The following BTBD8 variants were observed in gnomAD, a reference collection of about 807,000 sequenced individuals.
BTBD8 encodes the protein BTB domain containing 8, also known as BTB/POZ domain-containing protein 8.
In BTBD8, 110 loss-of-function variants were observed where a neutral mutation model predicts 162.9. The observed-to-expected ratio is 0.68, with a 90% CI of 0.58 to 0.79. BTBD8 has a LOEUF of 0.79. Ranked by LOEUF, BTBD8 falls within the 30% of genes least tolerant of loss-of-function variation. The pLI, the probability that BTBD8 is intolerant of heterozygous loss-of-function variation, is 0.00. For synonymous variants in BTBD8, 667 were observed against 716.1 expected (o/e 0.93, Z 1.10); for missense variants, 1,905 against 2,085.4 (o/e 0.91, Z 1.68).
chr1:92,133,741 C>A (rs903732860), intron 5 of BTBD8, among the ~76,000 whole-genome samples: 6 of 152,128 alleles, frequency 3.9e-5, no homozygotes, highest in Non-Finnish European at 7.4e-5. Context: ...GAGGCTGAGG[C>A]GGGCGGATCA....
Position 92,181,457 on chromosome 1 carries a change from C to T in BTBD8, c.3774C>T (p.Ser1258=). 3.2e-6 allele frequency: 5 copies of T among 1,551,730 alleles called. No homozygotes were observed. The highest frequency in any genetic ancestry group is 4.4e-6 in the Non-Finnish European group (5 of 1,147,002). The change falls in exon 17 of 18, where the codon TCC becomes TCT. Residue 1258 remains serine, a synonymous_variant. Coordinates refer to ENST00000636805, the MANE Select transcript of BTBD8 (RefSeq NM_001376131.1). ...PESDTGSATT[S]SDDIKPRSED... is the part of the protein sequence containing the mutation. ...CTGACACTGGCAGTGCTACCACCTCCTCCGATGACATAAAGCCCAGATCTG... is the reference window on the plus strand; with the variant it reads ...CTGACACTGGCAGTGCTACCACCTCTTCCGATGACATAAAGCCCAGATCTG...
At chr1:92,090,737 C>T (rs1648273641) in intron 2 of BTBD8, among the ~76,000 whole-genome samples, 1 of 152,148 alleles carries the variant, frequency 6.6e-6, no homozygotes, top group Admixed American at 6.5e-5. Context: ...TGAGACCAGC[C>T]TGGCCAACGT....
chr1:92,180,082 T>C (rs1460169440), intron 16 of BTBD8, among the ~76,000 whole-genome samples, 183 bp from the exon 17 acceptor site: 4 of 152,208 alleles, frequency 2.6e-5, no homozygotes, highest in Admixed American at 2.6e-4. Flanking sequence ...TGAAAAAATT[T>C]TTTTATTTTA....
intron 2 of BTBD8, among the ~76,000 whole-genome samples, chr1:92,096,967 T>C (rs545402643): frequency 6.6e-6 from 1 of 152,338 alleles, no homozygotes; most frequent in African/African-American, 2.4e-5. Context: ...TCTATTTCAC[T>C]GAGAAAGTCA....
At chr1:92,161,897 A>C (rs1250687156) in intron 9 of BTBD8, among the ~76,000 whole-genome samples, 2 of 152,210 alleles carry the variant, frequency 1.3e-5, no homozygotes, top group Admixed American at 1.3e-4. Flanking sequence ...ACAGAAACAC[A>C]AGTTTCACAA....
chr1:92,133,901 C>T (rs1317958499), intron 5 of BTBD8, among the ~76,000 whole-genome samples: 1 of 151,038 alleles, frequency 6.6e-6, no homozygotes, highest in African/African-American at 2.4e-5. Context: ...ACCCAGGAGG[C>T]GGAGCTTGCA....
In BTBD8 at chr1:92,167,863, A is replaced by G. The variant is rs1650424030; in HGVS notation, c.1321A>G (p.Ser441Gly). Residue 441 changes from serine (S) to glycine (G), a missense_variant, in exon 11 of 18, where the codon AGC (serine) becomes GGC (glycine). By Grantham distance (56) the Ser-to-Gly change is moderately conservative. This residue lies in a region of BTBD8 where 1,374 missense variants were observed against 1,442.7 expected (regional missense o/e 0.95). Coordinates refer to ENST00000636805, the MANE Select transcript of BTBD8 (RefSeq NM_001376131.1). ...ALLLQSQAMS[S>G]TADLLDTILK... ...TGTTTTATAGTCACAAGCAATGAGC[A>G]GCACAGCCGATCTGTTGGACACAAT... The G allele has an allele frequency of 6.5e-7, 1 of 1,550,152 alleles. No individual in the cohort carries two copies. Among genetic ancestry groups the G allele is most frequent in the Non-Finnish European group, 8.7e-7 (1 of 1,145,932 alleles).
chr1:92,131,838 A>C (rs1011822802), intron 5 of BTBD8, among the ~76,000 whole-genome samples: 2 of 152,042 alleles, frequency 1.3e-5, no homozygotes, highest in African/African-American at 4.8e-5. Context: ...CCTCCCAAGT[A>C]GCTGGGACTA....
chr1:92,182,481 A>G lies in BTBD8; in HGVS notation c.4798A>G (p.Asn1600Asp). The G allele has an allele frequency of 6.4e-7, 1 of 1,551,554 alleles. No homozygotes were observed. The highest frequency in any genetic ancestry group is 8.7e-7 in the Non-Finnish European group (1 of 1,146,858). The change falls in exon 17 of 18, where the codon AAC becomes GAC. Residue 1600 changes from asparagine to aspartate, a missense_variant. Physicochemically the swap from Asn to Asp is conservative, Grantham distance 23 (BLOSUM62 1). Transcript: ENST00000636805. ...QREPNSDIPK[N>D]SSTKSLDSFR... The stretch of plus-strand genomic sequence containing the variant: ...AGAACCCAATTCTGACATACCAAAG[A>G]ACAGCTCTACAAAATCTCTAGACTC...
At chr1:92,102,754 T>C (rs962068764) in intron 3 of BTBD8, 85 bp downstream of exon 3, 5 of 1,226,810 alleles carry the variant, frequency 4.1e-6, no homozygotes, top group Non-Finnish European at 5.3e-6. Context: ...ACTTCAAAAA[T>C]ATGCTTTACT....
At chr1:92,088,665 A>G (rs1205441712) in intron 1 of BTBD8, 33 bp from the exon 2 acceptor site, 5 of 1,464,298 alleles carry the variant, frequency 3.4e-6, no homozygotes, top group African/African-American at 1.4e-5. Flanking sequence ...TAGTATCACT[A>G]ATTAAACTAT....
At chr1:92,104,254 A>C (rs1383607459) in intron 3 of BTBD8, among the ~76,000 whole-genome samples, 1 of 152,256 alleles carries the variant, frequency 6.6e-6, no homozygotes, top group South Asian at 2.1e-4. Flanking sequence ...ACTGGTGTGT[A>C]AAGCAACAAC....
At chr1:92,171,230 A>C (rs138884747) in intron 12 of BTBD8, among the ~76,000 whole-genome samples, 169 bp from the exon 13 acceptor site, 1 of 152,248 alleles carries the variant, frequency 6.6e-6, no homozygotes, top group East Asian at 1.9e-4. Context: ...TCTTTTAAAA[A>C]AATTCTAAAA....
chr1:92,089,182 C>G (rs1409990651), intron 2 of BTBD8, among the ~76,000 whole-genome samples: 1 of 152,030 alleles, frequency 6.6e-6, no homozygotes, highest in Non-Finnish European at 1.5e-5. Context: ...ATGGTGTGCT[C>G]TCCAGTAATT....
intron 4 of BTBD8, among the ~76,000 whole-genome samples, chr1:92,119,893 C>CTTTTTTTT (rs58297367): frequency 1.2e-4 from 7 of 58,388 alleles, no homozygotes; most frequent in African/African-American, 2.5e-4. Flanking sequence ...CGGCCCTTTT[C>CTTTTTTTT]TTTTTTTTTT....
At chr1:92,128,002 GCATTTATTTC>G (rs776243598) in intron 4 of BTBD8, among the ~76,000 whole-genome samples, 6 of 152,048 alleles carry the variant, frequency 3.9e-5, no homozygotes, top group Non-Finnish European at 8.8e-5. Context: ...TTCCTATCTG[GCATTTATTTC>G]TCTAGCAAAC....
chr1:92,179,528 T>C (rs907711811), intron 16 of BTBD8, among the ~76,000 whole-genome samples: 7 of 152,180 alleles, frequency 4.6e-5, no homozygotes, highest in Non-Finnish European at 8.8e-5. Flanking sequence ...CAATTAAAAA[T>C]AAGGTAGAGA....
chr1:92,146,881 A>G (rs1649938370), intron 7 of BTBD8, among the ~76,000 whole-genome samples: 1 of 152,126 alleles, frequency 6.6e-6, no homozygotes, highest in African/African-American at 2.4e-5. Context: ...GTTGCTTCCA[A>G]GTTTGGGCAG....
intron 1 of BTBD8, among the ~76,000 whole-genome samples, chr1:92,082,224 T>A (rs1028169485): frequency 1.3e-5 from 2 of 151,010 alleles, no homozygotes; most frequent in South Asian, 2.1e-4. Context: ...GGTTTTTTTT[T>A]AAAACAAAAC....
Sources: allele counts gnomAD v4.1 joint callset (sites outside exome capture counted in the v4.1 genomes callset), GRCh38; gene constraint gnomAD v4.1.1; regional missense constraint gnomAD v4.1.1; transcripts MANE v1.5; gene names NCBI Gene and HGNC (gene_info 2026-07-23, HGNC 2026-07-21).